Variants in SYT6 observed in about 807,000 individuals in gnomAD.
SYT6 encodes synaptotagmin-6.
SYT6 carries 24 observed loss-of-function variants against 38.4 expected under a neutral mutation model. The observed-to-expected ratio is 0.62, with a 90% confidence interval of 0.45 to 0.88. The LOEUF (loss-of-function observed/expected upper bound fraction) is 0.88, where lower values mean the gene tolerates loss of function less well. SYT6 is among the 40% of genes least tolerant of loss of function. The pLI is 0.00. For missense variants in SYT6, 611 were observed against 621.0 expected, an observed-to-expected ratio of 0.98 and a Z score of 0.17; for synonymous variants, 265 against 241.9, an observed-to-expected ratio of 1.10 and a Z score of -0.89.
intron 3 of SYT6, among the ~76,000 whole-genome samples, chr1:114,136,751 A>G (rs911435209): frequency 4.6e-5 from 7 of 152,170 alleles, no homozygotes; most frequent in African/African-American, 1.7e-4. Context: ...CCTGACTGGG[A>G]AAACAATGCC....
rs760272255 is a variant in SYT6, at chr1:114,139,655, G to A, written c.472C>T (p.Arg158Trp). 31 of 1,614,044 alleles carry A rather than the reference G, an allele frequency of 1.9e-5. No homozygotes were observed. The highest frequency in any genetic ancestry group is 4.0e-5 in the African/African-American group (3 of 74,908). The change falls in exon 2 of 8, where the codon CGG becomes TGG. Residue 158 changes from arginine (R) to tryptophan (W), a missense_variant. By Grantham distance (101) the Arg-to-Trp change is moderately radical. Coordinates refer to ENST00000610222, the MANE Select transcript of SYT6 (RefSeq NM_001253772.2). ...GGCTCTGTAGTTTGCCGCTGCAGCC[G>A]GGTGTGACGCATGATGTGCTCCTTG... ...SVKEHIMRHT[R>W]LQRQTTEPAS...
At chr1:114,135,352 A>T (rs1473555025) in intron 3 of SYT6, among the ~76,000 whole-genome samples, 1 of 152,162 alleles carries the variant, frequency 6.6e-6, no homozygotes, top group East Asian at 1.9e-4. Context: ...GCTGCTTTGC[A>T]CTACCAGCTA....
chr1:114,113,318 C>T (rs187866188), intron 3 of SYT6, among the ~76,000 whole-genome samples: 2 of 152,198 alleles, frequency 1.3e-5, no homozygotes, highest in Non-Finnish European at 2.9e-5. Context: ...TTCTCCCATC[C>T]CTGCCTCTAA....
intron 4 of SYT6, among the ~76,000 whole-genome samples, chr1:114,102,824 A>AGCTGATG (rs1375319351): frequency 2.6e-5 from 4 of 151,014 alleles, no homozygotes; most frequent in Admixed American, 1.3e-4. Flanking sequence ...GAGCAGTCTG[A>AGCTGATG]GCTGATGAGG....
At chr1:114,122,805 C>A (rs1237775933) in intron 3 of SYT6, among the ~76,000 whole-genome samples, 1 of 152,152 alleles carries the variant, frequency 6.6e-6, no homozygotes, top group East Asian at 1.9e-4. Flanking sequence ...GCCAGCCTTT[C>A]CCCCTGGCCT....
chr1:114,119,351 C>T (rs934361440), intron 3 of SYT6, among the ~76,000 whole-genome samples: 9 of 152,166 alleles, frequency 5.9e-5, no homozygotes, highest in African/African-American at 1.7e-4. Context: ...TTCAGGGCTC[C>T]AGGGCACATG....
rs116352479 is a variant in SYT6 at position 114,104,589 on chromosome 1, C to T, written c.1072-868G>A. ...GAGGAGGGACTCCAAGATATGGAGA[C>T]ATTTCCTCCCATAGGGCTTCCAGAG... On this transcript the variant is annotated intron_variant, in intron 3 of 7. Coordinates refer to ENST00000610222, the MANE Select transcript of SYT6 (RefSeq NM_001253772.2). Among the ~76,000 whole-genome samples the T allele has an allele frequency of 3.1e-3, 466 of 152,286 alleles. 1 individual carries two copies. The highest frequency in any genetic ancestry group is 0.011 in the African/African-American group (443 of 41,568).
intron 6 of SYT6, 142 bp from the exon 7 acceptor site, chr1:114,093,945 T>C: frequency 1.3e-6 from 1 of 786,628 alleles, no homozygotes; most frequent in Non-Finnish European, 2.1e-6. Flanking sequence ...GAGTTCTACT[T>C]TTCTGTTACA....
chr1:114,105,269 C>A (rs887892932), intron 3 of SYT6, among the ~76,000 whole-genome samples: 2 of 151,998 alleles, frequency 1.3e-5, no homozygotes, highest in Non-Finnish European at 2.9e-5. Context: ...ATTCTCCTTG[C>A]AAAGAGCCAC....
Position 114,137,748 on chromosome 1 carries a change from A to G in SYT6, c.818T>C (p.Leu273Pro). The change falls in exon 3 of 8, where the codon CTC becomes CCC. Residue 273 changes from leucine (L) to proline (P), a missense_variant. Coordinates refer to ENST00000610222, the MANE Select transcript of SYT6 (RefSeq NM_001253772.2). ...GSSDPYVKIY[L>P]LPDRKCKLQT... ...CAGCTTGCATTTGCGGTCAGGCAGGAGGTAGATCTTGACATAAGGGTCAGA... is the reference window on the plus strand; with the variant it reads ...CAGCTTGCATTTGCGGTCAGGCAGGGGGTAGATCTTGACATAAGGGTCAGA... 6.2e-7 allele frequency: 1 copy of G among 1,614,112 alleles called. No homozygotes were observed. Among genetic ancestry groups the G allele is most frequent in the Admixed American group, 1.7e-5 (1 of 60,014 alleles).
chr1:114,097,892 A>T lies in SYT6; in HGVS notation c.1365-15T>A. 6.2e-7 allele frequency: 1 copy of T among 1,613,642 alleles called. No homozygotes were observed. Among genetic ancestry groups the T allele is most frequent in the Non-Finnish European group, 8.5e-7 (1 of 1,179,666 alleles). On this transcript the variant is annotated splice_polypyrimidine_tract_variant and intron_variant, in intron 5 of 7. Coordinates refer to ENST00000610222, the MANE Select transcript of SYT6 (RefSeq NM_001253772.2). Reference sequence around the variant, plus strand: ...TGTGGCCCACTCTGAGGGAGAAACAAAAGTCCCAGCACTGGCTACCAGACA... The same window carrying T: ...TGTGGCCCACTCTGAGGGAGAAACATAAGTCCCAGCACTGGCTACCAGACA...
chr1:114,119,084 G>A (rs1677210711), intron 3 of SYT6, among the ~76,000 whole-genome samples: 1 of 152,182 alleles, frequency 6.6e-6, no homozygotes. Flanking sequence ...AGGATTCCCA[G>A]CCAAGCCCCT....
rs2101088039 is a variant in SYT6 at position 114,137,658 on chromosome 1, G to A, written c.908C>T (p.Pro303Leu). ...CTTGCGGTCAGCCAGCTCCTCATAG[G>A]GCACAGGGAAGTGGAAGTTCTCATC... is the stretch of plus-strand genomic sequence containing the variant. The part of the protein sequence containing the change: ...TFDENFHFPV[P>L]YEELADRKLH... The change falls in exon 3 of 8, where the codon CCC becomes CTC. Residue 303 changes from proline to leucine, a missense_variant. By Grantham distance (98) the Pro-to-Leu change is moderately conservative. Transcript: ENST00000610222. The A allele has an allele frequency of 6.2e-7, 1 of 1,613,882 alleles. No individual in the cohort carries two copies. Among genetic ancestry groups the A allele is most frequent in the East Asian group, 2.2e-5 (1 of 44,872 alleles).
At chr1:114,133,615 A>T (rs1678295222) in intron 3 of SYT6, among the ~76,000 whole-genome samples, 1 of 152,148 alleles carries the variant, frequency 6.6e-6, no homozygotes, top group Non-Finnish European at 1.5e-5. Context: ...GAGATGGGGG[A>T]AACAGCAGGG....
intron 7 of SYT6, among the ~76,000 whole-genome samples, chr1:114,093,530 C>G (rs994261553): frequency 1.3e-5 from 2 of 152,166 alleles, no homozygotes; most frequent in African/African-American, 2.4e-5. Flanking sequence ...TTCTTGTTCT[C>G]GCAAATAAGA....
At chr1:114,146,303 T>G (rs866363365) in intron 1 of SYT6, among the ~76,000 whole-genome samples, 5 of 152,196 alleles carry the variant, frequency 3.3e-5, no homozygotes, top group Admixed American at 2.6e-4. Context: ...CAGACATCCC[T>G]CATCTCCTAG....
chr1:114,125,814 G>A (rs997163114), intron 3 of SYT6, among the ~76,000 whole-genome samples: 3 of 152,132 alleles, frequency 2.0e-5, no homozygotes, highest in East Asian at 3.8e-4. Context: ...TTTGATAAAC[G>A]GCCTCTTTTT....
At chr1:114,119,254 C>T (rs1349478364) in intron 3 of SYT6, among the ~76,000 whole-genome samples, 2 of 152,278 alleles carry the variant, frequency 1.3e-5, no homozygotes, top group East Asian at 3.9e-4. Context: ...TTTTCCAGCT[C>T]CCAGGCTAAG....
intron 3 of SYT6, among the ~76,000 whole-genome samples, chr1:114,128,430 GC>G (rs1446472163): frequency 6.6e-6 from 1 of 152,162 alleles, no homozygotes; most frequent in Non-Finnish European, 1.5e-5. Context: ...TTTTCCCTAA[GC>G]TATGGCCCAT....
Sources: allele counts gnomAD v4.1 joint callset (sites outside exome capture counted in the v4.1 genomes callset), GRCh38; gene constraint gnomAD v4.1.1; transcripts MANE v1.5; gene names NCBI Gene and HGNC (gene_info 2026-07-23, HGNC 2026-07-21).